PTPRN2: variants seen among roughly 807,000 people sequenced by gnomAD.
The protein encoded by PTPRN2 is protein tyrosine phosphatase receptor type N2.
Under a neutral mutation model 118.8 loss-of-function variants are expected in PTPRN2, and 74 were observed. That is an observed-to-expected ratio of 0.62 (90% CI 0.52 to 0.76). The LOEUF (loss-of-function observed/expected upper bound fraction) is 0.76, where lower values mean the gene tolerates loss of function less well. Among genes scored for constraint, PTPRN2 ranks in the 30% least tolerant of loss-of-function variants. The pLI, the probability that PTPRN2 is intolerant of heterozygous loss-of-function variation, is 0.00. For synonymous variants in PTPRN2, 641 were observed against 608.0 expected, an observed-to-expected ratio of 1.05 and a Z score of -0.80; for missense variants, 1,481 against 1,394.4, an observed-to-expected ratio of 1.06 and a Z score of -0.99.
At chr7:157,699,156 ATGTT>A (rs572726802) in intron 12 of PTPRN2, among the ~76,000 whole-genome samples, 1 of 152,206 alleles carries the variant, frequency 6.6e-6, no homozygotes, top group Non-Finnish European at 1.5e-5. Context: ...ATTCAGGTAA[ATGTT>A]TGTTTCACAA....
At chr7:158,408,362 C>T (rs1813762671) in intron 2 of PTPRN2, among the ~76,000 whole-genome samples, 1 of 152,186 alleles carries the variant, frequency 6.6e-6, no homozygotes, top group Non-Finnish European at 1.5e-5. Context: ...GCCAAATCTT[C>T]TTAAGGAGCA....
chr7:157,806,953 G>A (rs1805672891), intron 12 of PTPRN2, among the ~76,000 whole-genome samples: 1 of 152,254 alleles, frequency 6.6e-6, no homozygotes, highest in Admixed American at 6.5e-5. Flanking sequence ...TCCCCTCTGA[G>A]CATCAGCTCC....
chr7:158,445,916 AC>A (rs1191969798), intron 2 of PTPRN2, among the ~76,000 whole-genome samples: 1 of 152,122 alleles, frequency 6.6e-6, no homozygotes, highest in African/African-American at 2.4e-5. Flanking sequence ...GAGAAGGTAA[AC>A]CCCGGCGCCC....
intron 15 of PTPRN2, among the ~76,000 whole-genome samples, chr7:157,607,528 G>T (rs563291946): frequency 3.9e-5 from 6 of 152,258 alleles, no homozygotes; most frequent in African/African-American, 1.2e-4. Flanking sequence ...AGGCAGCGCA[G>T]CCTGGAGCCC....
At chr7:158,077,547 GCCC>G (rs200631965) in intron 11 of PTPRN2, among the ~76,000 whole-genome samples, 1 of 27,182 alleles carries the variant, frequency 3.7e-5, no homozygotes, top group Admixed American at 3.6e-4. Flanking sequence ...CAGCACAGGA[GCCC>G]CCTATGAGCC....
intron 3 of PTPRN2, among the ~76,000 whole-genome samples, chr7:158,244,544 GTT>G (rs139259232): frequency 0.081 from 5,254 of 64,576 alleles, 121 homozygotes; most frequent in East Asian, 0.23. Context: ...GAATGAGCAT[GTT>G]TTTTGTGTGT....
chr7:158,314,203 AAG>A (rs1393836139), intron 3 of PTPRN2, among the ~76,000 whole-genome samples: 2 of 152,168 alleles, frequency 1.3e-5, no homozygotes, highest in Admixed American at 1.3e-4. Context: ...GAAGTTCTGA[AAG>A]AGTCACGCCC....
chr7:157,556,430 C>T (rs1182194515), intron 21 of PTPRN2, among the ~76,000 whole-genome samples: 1 of 151,054 alleles, frequency 6.6e-6, no homozygotes, highest in South Asian at 2.1e-4. Context: ...CATGCACACA[C>T]ACACAGGCAT....
intron 1 of PTPRN2, among the ~76,000 whole-genome samples, chr7:158,577,260 G>T (rs1400991381): frequency 7.9e-6 from 1 of 125,990 alleles, no homozygotes; most frequent in Non-Finnish European, 1.7e-5. Context: ...AGACAGCATG[G>T]GGCCTGCACA....
At chr7:158,188,696 G>T (rs554372089) in intron 5 of PTPRN2, among the ~76,000 whole-genome samples, 6 of 141,218 alleles carry the variant, frequency 4.2e-5, no homozygotes, top group African/African-American at 1.3e-4. Context: ...TGGAAAGGCC[G>T]CCACGCCCGC....
intron 5 of PTPRN2, among the ~76,000 whole-genome samples, chr7:158,190,558 A>AGGTGG (rs879889909): frequency 1.3e-5 from 2 of 152,064 alleles, no homozygotes; most frequent in Non-Finnish European, 2.9e-5. Context: ...TTTCATTGTG[A>AGGTGG]GCCTAACCTT....
At chr7:158,124,742 T>A (rs967410601) in intron 9 of PTPRN2, among the ~76,000 whole-genome samples, 1 of 151,498 alleles carries the variant, frequency 6.6e-6, no homozygotes, top group South Asian at 2.1e-4. Flanking sequence ...CCTGGTGGAG[T>A]GTCCCCAAGA....
intron 21 of PTPRN2, among the ~76,000 whole-genome samples, chr7:157,568,085 C>G (rs1799575605): frequency 6.6e-6 from 1 of 152,198 alleles, no homozygotes; most frequent in Non-Finnish European, 1.5e-5. Context: ...AATCCCCATG[C>G]TTTTGTAGGA....
chr7:158,449,398 GGA>G (rs1317760134), intron 2 of PTPRN2, among the ~76,000 whole-genome samples: 2 of 152,196 alleles, frequency 1.3e-5, no homozygotes, highest in African/African-American at 4.8e-5. Context: ...CTCGAAGAGT[GGA>G]GTGTCAGCCT....
At chr7:158,372,431 C>A (rs956110088) in intron 2 of PTPRN2, among the ~76,000 whole-genome samples, 1 of 146,214 alleles carries the variant, frequency 6.8e-6, no homozygotes, top group Non-Finnish European at 1.5e-5. Context: ...CACTGGTCCC[C>A]GAAGCTGGTC....
At chr7:157,934,215 T>C (rs1471687795) in intron 11 of PTPRN2, among the ~76,000 whole-genome samples, 4 of 152,242 alleles carry the variant, frequency 2.6e-5, no homozygotes, top group Non-Finnish European at 5.9e-5. Flanking sequence ...TGTTTTCTTC[T>C]GATCCTATCT....
intron 1 of PTPRN2, among the ~76,000 whole-genome samples, chr7:158,492,174 C>G (rs966694955): frequency 3.9e-5 from 6 of 152,172 alleles, no homozygotes; most frequent in African/African-American, 1.4e-4. Context: ...GTGACCACAC[C>G]GGAGATGTGC....
intron 12 of PTPRN2, among the ~76,000 whole-genome samples, chr7:157,700,052 G>A (rs1797991581): frequency 6.6e-6 from 1 of 152,046 alleles, no homozygotes; most frequent in Non-Finnish European, 1.5e-5. Context: ...TACCTACTTC[G>A]ACCTTGCTCA....
intron 3 of PTPRN2, among the ~76,000 whole-genome samples, chr7:158,284,684 C>A (rs1052124226): frequency 2.0e-5 from 3 of 152,176 alleles, no homozygotes. Context: ...TCCCTGCCAT[C>A]CCACCTCTGT....
Sources: allele counts gnomAD v4.1 joint callset (sites outside exome capture counted in the v4.1 genomes callset), GRCh38; gene constraint gnomAD v4.1.1; transcripts MANE v1.5; gene names NCBI Gene and HGNC (gene_info 2026-07-23, HGNC 2026-07-21).